The following DCAF7 variants were observed in gnomAD, a reference collection of about 807,000 sequenced individuals.
DCAF7 encodes the protein DDB1 and CUL4 associated factor 7.
In DCAF7, 4 loss-of-function variants were observed where a neutral mutation model predicts 41.2. The ratio of observed to expected loss-of-function variants is 0.10; its 90% CI spans 0.05 to 0.22. DCAF7 has a LOEUF of 0.22. DCAF7 is among the 10% of genes least tolerant of loss of function. The pLI is 1.00. For synonymous variants in DCAF7, 143 were observed against 164.2 expected (o/e 0.87, Z 0.99); for missense variants, 131 against 443.2 (o/e 0.30, Z 6.32).
intron 4 of DCAF7, among the ~76,000 whole-genome samples, chr17:63,580,342 C>T (rs903163987): frequency 1.3e-5 from 2 of 151,918 alleles, no homozygotes; most frequent in Non-Finnish European, 2.9e-5. Context: ...GAGAGACAAA[C>T]GTAATTATTC....
At chr17:63,574,597 A>T (rs1369729293) in intron 1 of DCAF7, among the ~76,000 whole-genome samples, 5 of 152,262 alleles carry the variant, frequency 3.3e-5, no homozygotes, top group African/African-American at 4.8e-5. Context: ...AATGTAGCAA[A>T]GTTATAGAAG....
At chr17:63,562,492 A>G (rs898386949) in intron 1 of DCAF7, among the ~76,000 whole-genome samples, 1 of 152,196 alleles carries the variant, frequency 6.6e-6, no homozygotes, top group Non-Finnish European at 1.5e-5. Flanking sequence ...GACAAAGTCA[A>G]AAGACAGCAG....
intron 1 of DCAF7, among the ~76,000 whole-genome samples, chr17:63,569,383 GAA>G (rs796123483): frequency 2.9e-4 from 36 of 123,648 alleles, no homozygotes; most frequent in Middle Eastern, 4.1e-3. Flanking sequence ...CTACTTTAAG[GAA>G]AAAAAAAAAA....
In DCAF7 at chr17:63,592,122, G is replaced by A. The variant is rs1343757498; in HGVS notation, c.*2950G>A. 1.3e-5 allele frequency: 2 copies of A among 152,264 alleles called. No individual in the cohort carries two copies. The highest frequency in any genetic ancestry group is 2.9e-5 in the Non-Finnish European group (2 of 68,090). 9.4% of individuals were successfully genotyped at this position (152,264 alleles called of 1,614,324 possible). A position where few individuals can be genotyped will look rare whatever the true frequency, so the allele number is the denominator to read the frequency against. ...GGAAGGTATTTAATAACTGGGCGAG[G>A]ATGGGTGTGGTGGCTCACACCTGTA... On this transcript the variant is annotated 3_prime_UTR_variant, in exon 7 of 7. Coordinates refer to ENST00000614556, the MANE Select transcript of DCAF7 (RefSeq NM_005828.5).
chr17:63,553,155 T>C (rs1009503188), intron 1 of DCAF7, among the ~76,000 whole-genome samples: 1 of 152,252 alleles, frequency 6.6e-6, no homozygotes, highest in Non-Finnish European at 1.5e-5. Context: ...TGTAGTCATA[T>C]GTACTTTTAA....
chr17:63,562,528 A>C (rs1008346789), intron 1 of DCAF7, among the ~76,000 whole-genome samples: 15 of 150,786 alleles, frequency 9.9e-5, no homozygotes, highest in African/African-American at 3.2e-4. Context: ...TTTATTTTTT[A>C]TTTTTTATTT....
chr17:63,561,888 AG>A (rs1392716564), intron 1 of DCAF7, among the ~76,000 whole-genome samples: 2 of 152,122 alleles, frequency 1.3e-5, no homozygotes, highest in Non-Finnish European at 2.9e-5. Context: ...CAGGAAGGTG[AG>A]GAACCTGAAG....
chr17:63,558,766 C>T (rs2033337283), intron 1 of DCAF7, among the ~76,000 whole-genome samples: 1 of 152,146 alleles, frequency 6.6e-6, no homozygotes, highest in Admixed American at 6.5e-5. Context: ...AAAAATACTC[C>T]AGATTTTTAA....
chr17:63,562,026 A>G (rs1465023451), intron 1 of DCAF7, among the ~76,000 whole-genome samples: 5 of 151,896 alleles, frequency 3.3e-5, no homozygotes, highest in Non-Finnish European at 5.9e-5. Context: ...AAAAAAAAAA[A>G]AACTTAGGGG....
At chr17:63,575,561 G>A (rs184190703) in intron 1 of DCAF7, among the ~76,000 whole-genome samples, 17 of 152,214 alleles carry the variant, frequency 1.1e-4, no homozygotes, top group African/African-American at 3.4e-4. Flanking sequence ...TTGCCTGGGC[G>A]TGGTGGTGCG....
chr17:63,581,955 C>T (rs902344765), intron 4 of DCAF7, among the ~76,000 whole-genome samples: 1 of 152,182 alleles, frequency 6.6e-6, no homozygotes, highest in African/African-American at 2.4e-5. Flanking sequence ...TAGCGGAGCA[C>T]TGAAGGAGCA....
intron 1 of DCAF7, among the ~76,000 whole-genome samples, chr17:63,575,004 G>A (rs1206093738): frequency 7.2e-5 from 11 of 152,058 alleles, no homozygotes; most frequent in Non-Finnish European, 1.6e-4. Flanking sequence ...ATTTATAATA[G>A]CATAAAACTT....
chr17:63,550,891 G>A lies in DCAF7; in HGVS notation c.138+76G>A. Reference sequence around the variant, plus strand: ...AGCGCCCTTTCCGGGCCGGAGCCCAGGCCTCAGAACCCTCTTGCGGACTCG... The same window carrying A: ...AGCGCCCTTTCCGGGCCGGAGCCCAAGCCTCAGAACCCTCTTGCGGACTCG... On this transcript the variant is annotated intron_variant, in intron 1 of 6. Coordinates refer to ENST00000614556, the MANE Select transcript of DCAF7 (RefSeq NM_005828.5). The surrounding 1 kb of genome is among the most constrained non-coding windows in gnomAD (Gnocchi z 4.8). The A allele has an allele frequency of 6.4e-7, 1 of 1,554,554 alleles. No individual in the cohort carries two copies. Among genetic ancestry groups the A allele is most frequent in the Non-Finnish European group, 8.7e-7 (1 of 1,151,660 alleles).
At chr17:63,579,539 G>T (rs1258235763) in intron 3 of DCAF7, 91 bp downstream of exon 3, 2 of 961,070 alleles carry the variant, frequency 2.1e-6, no homozygotes, top group Non-Finnish European at 3.2e-6. Context: ...CTAGAACAAG[G>T]CTCAGTGGGA....
intron 1 of DCAF7, among the ~76,000 whole-genome samples, chr17:63,557,354 A>C (rs953663929): frequency 1.3e-5 from 2 of 152,124 alleles, no homozygotes; most frequent in Non-Finnish European, 2.9e-5. Flanking sequence ...CATTGGAAAC[A>C]GAATAAAGGC....
At chr17:63,575,611 A>G (rs752034462) in intron 1 of DCAF7, among the ~76,000 whole-genome samples, 43 of 152,110 alleles carry the variant, frequency 2.8e-4, no homozygotes, top group South Asian at 2.1e-4. Flanking sequence ...TCACTTGAAC[A>G]TGGGAGGCAG....
chr17:63,563,081 T>C (rs1226592050), intron 1 of DCAF7, among the ~76,000 whole-genome samples: 1 of 152,050 alleles, frequency 6.6e-6, no homozygotes, highest in African/African-American at 2.4e-5. Flanking sequence ...CACCTTAGCT[T>C]CCCAAAATAG....
chr17:63,571,310 A>G (rs1197970562), intron 1 of DCAF7, among the ~76,000 whole-genome samples: 1 of 152,204 alleles, frequency 6.6e-6, no homozygotes, highest in Non-Finnish European at 1.5e-5. Flanking sequence ...GGAAGTAGTT[A>G]TATCAAACCA....
chr17:63,564,189 G>A (rs1568099417), intron 1 of DCAF7, among the ~76,000 whole-genome samples: 1 of 140,524 alleles, frequency 7.1e-6, no homozygotes, highest in Non-Finnish European at 1.6e-5. Flanking sequence ...ACACACCTGT[G>A]TTTTGTTTGA....
Sources: allele counts gnomAD v4.1 joint callset (sites outside exome capture counted in the v4.1 genomes callset), GRCh38; gene constraint gnomAD v4.1.1; non-coding constraint Gnocchi (gnomAD v3.1); transcripts MANE v1.5; gene names NCBI Gene and HGNC (gene_info 2026-07-23, HGNC 2026-07-21).